The following PDZRN4 variants were observed in gnomAD, a reference collection of about 807,000 sequenced individuals.
The protein encoded by PDZRN4 is PDZ domain containing ring finger 4, also known as PDZ domain-containing RING finger protein 4.
PDZRN4 carries 70 observed loss-of-function variants against 99.0 expected under a neutral mutation model. That is an observed-to-expected ratio of 0.71 (90% CI 0.58 to 0.86). The LOEUF (loss-of-function observed/expected upper bound fraction) is 0.86. PDZRN4 is among the 40% of genes least tolerant of loss of function. The pLI, the probability that PDZRN4 is intolerant of heterozygous loss-of-function variation, is 0.00. For missense variants in PDZRN4, 1,474 were observed against 1,331.2 expected (o/e 1.11, Z -1.67); for synonymous variants, 551 against 501.6 (o/e 1.10, Z -1.32).
intron 5 of PDZRN4, among the ~76,000 whole-genome samples, chr12:41,516,993 G>C (rs531286284): frequency 1.3e-5 from 2 of 151,994 alleles, no homozygotes; most frequent in South Asian, 2.1e-4. Flanking sequence ...CTTGCATTGT[G>C]ACTAGAAAGA....
At chr12:41,226,692 G>A (rs920202430) in intron 3 of PDZRN4, among the ~76,000 whole-genome samples, 1 of 152,098 alleles carries the variant, frequency 6.6e-6, no homozygotes, top group Non-Finnish European at 1.5e-5. Context: ...TTAAATATTG[G>A]CCACATGATT....
chr12:41,372,956 G>C (rs1484488256), intron 3 of PDZRN4, among the ~76,000 whole-genome samples: 1 of 152,082 alleles, frequency 6.6e-6, no homozygotes, highest in Non-Finnish European at 1.5e-5. Context: ...AGTGTTGGCT[G>C]GTCTGAGAAA....
chr12:41,381,929 C>T (rs1014860377), intron 3 of PDZRN4, among the ~76,000 whole-genome samples: 1 of 152,248 alleles, frequency 6.6e-6, no homozygotes, highest in South Asian at 2.1e-4. Context: ...GTAGCATTTA[C>T]AGGCAGGTAG....
At chr12:41,503,911 G>A (rs2120667019) in intron 3 of PDZRN4, among the ~76,000 whole-genome samples, 1 of 152,244 alleles carries the variant, frequency 6.6e-6, no homozygotes, top group Non-Finnish European at 1.5e-5. Flanking sequence ...CACTATTAGG[G>A]ATTCCTCTTG....
chr12:41,343,165 T>C (rs1434824791), intron 3 of PDZRN4, among the ~76,000 whole-genome samples: 1 of 151,964 alleles, frequency 6.6e-6, no homozygotes, highest in Non-Finnish European at 1.5e-5. Flanking sequence ...TCTTCCTGAT[T>C]TAATCTGGGA....
chr12:41,267,305 T>C (rs1951284560), intron 3 of PDZRN4, among the ~76,000 whole-genome samples: 1 of 152,174 alleles, frequency 6.6e-6, no homozygotes, highest in Non-Finnish European at 1.5e-5. Flanking sequence ...TGATCATTCC[T>C]ACTGAAATTG....
intron 3 of PDZRN4, among the ~76,000 whole-genome samples, chr12:41,480,333 G>A (rs955212344): frequency 2.0e-5 from 3 of 151,984 alleles, no homozygotes; most frequent in African/African-American, 7.2e-5. Context: ...GCATAGTCAA[G>A]TTGATATTTG....
intron 3 of PDZRN4, among the ~76,000 whole-genome samples, chr12:41,440,265 T>C (rs1952667110): frequency 6.6e-6 from 1 of 152,160 alleles, no homozygotes; most frequent in African/African-American, 2.4e-5. Flanking sequence ...TTGTTACTAT[T>C]CCTTATGAGC....
intron 3 of PDZRN4, among the ~76,000 whole-genome samples, chr12:41,462,726 T>C (rs1341560267): frequency 6.6e-6 from 1 of 152,082 alleles, no homozygotes; most frequent in Admixed American, 6.6e-5. Context: ...TCCTTTGCTA[T>C]AGAGAGAATA....
intron 3 of PDZRN4, among the ~76,000 whole-genome samples, chr12:41,249,326 T>C (rs74920180): frequency 6.6e-6 from 1 of 152,342 alleles, no homozygotes; most frequent in East Asian, 1.9e-4. Context: ...ATGTATCTTG[T>C]CACTAATTAA....
chr12:41,376,246 A>T (rs1333778245), intron 3 of PDZRN4, among the ~76,000 whole-genome samples: 3 of 152,160 alleles, frequency 2.0e-5, no homozygotes, highest in Admixed American at 1.3e-4. Flanking sequence ...TATACCCAGA[A>T]GCAAGATTGA....
chr12:41,526,847 C>A (rs1304977495), intron 5 of PDZRN4, among the ~76,000 whole-genome samples: 1 of 152,150 alleles, frequency 6.6e-6, no homozygotes. Flanking sequence ...GCTCTTACAT[C>A]CAAAGATTTT....
intron 3 of PDZRN4, among the ~76,000 whole-genome samples, chr12:41,453,565 A>G (rs981816100): frequency 1.3e-5 from 2 of 152,194 alleles, no homozygotes; most frequent in African/African-American, 4.8e-5. Flanking sequence ...TTCACCTACT[A>G]AATATTGCCA....
intron 5 of PDZRN4, among the ~76,000 whole-genome samples, chr12:41,523,293 G>T (rs541451660): frequency 6.6e-6 from 1 of 152,176 alleles, no homozygotes; most frequent in South Asian, 2.1e-4. Context: ...TTAGCTGAAA[G>T]GTCCCTCTCA....
At chr12:41,390,697 G>C (rs1043925194) in intron 3 of PDZRN4, among the ~76,000 whole-genome samples, 1 of 151,890 alleles carries the variant, frequency 6.6e-6, no homozygotes, top group Non-Finnish European at 1.5e-5. Context: ...TTAAATTCCA[G>C]TGTGTTGTTG....
intron 3 of PDZRN4, among the ~76,000 whole-genome samples, chr12:41,302,608 G>A (rs191656714): frequency 3.4e-4 from 52 of 152,164 alleles, no homozygotes; most frequent in East Asian, 2.7e-3. Context: ...TTCATAATCC[G>A]GAAAGGAAGT....
At chr12:41,437,757 G>A (rs1952643304) in intron 3 of PDZRN4, 5 of 1,501,488 alleles carry the variant, frequency 3.3e-6, no homozygotes, top group Admixed American at 4.5e-5. Flanking sequence ...TAGGGAAAGC[G>A]AAGAAGAGCA....
chr12:41,371,456 C>A (rs185282296), intron 3 of PDZRN4, among the ~76,000 whole-genome samples: 61 of 152,062 alleles, frequency 4.0e-4, no homozygotes, highest in African/African-American at 1.5e-3. Flanking sequence ...AAGAAGACAG[C>A]CCTACAAATT....
At chr12:41,273,902 T>C (rs1951332692) in intron 3 of PDZRN4, among the ~76,000 whole-genome samples, 1 of 152,074 alleles carries the variant, frequency 6.6e-6, no homozygotes, top group Non-Finnish European at 1.5e-5. Context: ...CATCCCATTA[T>C]CATTTATCAT....
Sources: allele counts gnomAD v4.1 joint callset (sites outside exome capture counted in the v4.1 genomes callset), GRCh38; gene constraint gnomAD v4.1.1; transcripts MANE v1.5; gene names NCBI Gene and HGNC (gene_info 2026-07-23, HGNC 2026-07-21).